CREB5: variants seen among roughly 807,000 people sequenced by gnomAD.
The protein encoded by CREB5 is cAMP responsive element binding protein 5, also known as cyclic AMP-responsive element-binding protein 5.
CREB5 carries 19 observed loss-of-function variants against 57.1 expected under a neutral mutation model. The observed-to-expected ratio is 0.33, with a 90% CI of 0.23 to 0.49. The LOEUF (loss-of-function observed/expected upper bound fraction) is 0.49. Ranked by LOEUF, CREB5 falls within the 20% of genes least tolerant of loss-of-function variation. CREB5 has a pLI of 0.99. For missense variants in CREB5, 579 were observed against 671.6 expected, an observed-to-expected ratio of 0.86 and a Z score of 1.52; for synonymous variants, 238 against 238.3, an observed-to-expected ratio of 1.00 and a Z score of 0.01.
chr7:28,450,402 G>A (rs899945586), intron 1 of CREB5, among the ~76,000 whole-genome samples: 30 of 152,204 alleles, frequency 2.0e-4, no homozygotes, highest in African/African-American at 7.0e-4. Flanking sequence ...GATACCTGCT[G>A]TTCTAAACTG....
At chr7:28,719,781 G>T (rs367999550) in intron 6 of CREB5, among the ~76,000 whole-genome samples, 164 of 152,250 alleles carry the variant, frequency 1.1e-3, no homozygotes, top group African/African-American at 3.7e-3. Context: ...AATAGATAAG[G>T]CCAGGCGTGG....
chr7:28,309,254 G>A (rs1785236435), intron 1 of CREB5, among the ~76,000 whole-genome samples: 1 of 152,152 alleles, frequency 6.6e-6, no homozygotes, highest in Admixed American at 6.5e-5. Flanking sequence ...CTATTGGTCT[G>A]TTCTTCTGGA....
At chr7:28,627,629 A>C (rs1477443998) in intron 5 of CREB5, among the ~76,000 whole-genome samples, 3 of 152,152 alleles carry the variant, frequency 2.0e-5, no homozygotes, top group African/African-American at 7.2e-5. Flanking sequence ...CTTGAAATGC[A>C]AAAAAGGGTT....
intron 7 of CREB5, among the ~76,000 whole-genome samples, chr7:28,743,838 CT>C (rs58302393): frequency 0.014 from 1,102 of 76,042 alleles, 4 homozygotes; most frequent in Middle Eastern, 0.039. Flanking sequence ...ATCTCCTTTT[CT>C]TTTTTTTTTT....
chr7:28,548,192 T>C (rs544138957), intron 4 of CREB5, among the ~76,000 whole-genome samples: 35 of 152,264 alleles, frequency 2.3e-4, no homozygotes, highest in South Asian at 2.1e-3. Flanking sequence ...AACTGAAACA[T>C]TGGGCCATTG....
At chr7:28,437,896 C>A (rs1017011417) in intron 1 of CREB5, among the ~76,000 whole-genome samples, 4 of 152,100 alleles carry the variant, frequency 2.6e-5, no homozygotes, top group Non-Finnish European at 5.9e-5. Flanking sequence ...ACAGAAAAGA[C>A]GATGGAGACA....
chr7:28,657,062 C>G (rs1799359376), intron 5 of CREB5, among the ~76,000 whole-genome samples: 1 of 152,132 alleles, frequency 6.6e-6, no homozygotes, highest in African/African-American at 2.4e-5. Flanking sequence ...CTTTTCCATG[C>G]AGCCAGGATC....
intron 1 of CREB5, among the ~76,000 whole-genome samples, chr7:28,334,289 G>T (rs1785771303): frequency 6.6e-6 from 1 of 152,050 alleles, no homozygotes; most frequent in South Asian, 2.1e-4. Flanking sequence ...CTGAGTAGCT[G>T]GGATTACAGG....
chr7:28,744,561 T>A (rs893608368), intron 7 of CREB5, among the ~76,000 whole-genome samples: 1 of 151,920 alleles, frequency 6.6e-6, no homozygotes, highest in African/African-American at 2.4e-5. Flanking sequence ...TTGGCCAGGG[T>A]GGTCTCGATC....
intron 1 of CREB5, chr7:28,435,729 C>A: frequency 1.1e-6 from 1 of 898,892 alleles, no homozygotes; most frequent in Non-Finnish European, 1.3e-6. Context: ...GACAGATGAA[C>A]CAAACACTCA....
At chr7:28,312,297 A>T (rs1227698585) in intron 1 of CREB5, among the ~76,000 whole-genome samples, 1 of 151,988 alleles carries the variant, frequency 6.6e-6, no homozygotes, top group African/African-American at 2.4e-5. Flanking sequence ...TTTTCTGCTC[A>T]TGGATGGTGA....
chr7:28,509,422 T>C (rs564829269), intron 4 of CREB5, among the ~76,000 whole-genome samples: 58 of 152,308 alleles, frequency 3.8e-4, no homozygotes, highest in South Asian at 3.7e-3. Flanking sequence ...TTTTTCTCCT[T>C]ATGGACATGA....
intron 1 of CREB5, among the ~76,000 whole-genome samples, chr7:28,306,048 AT>A (rs1269677999): frequency 1.3e-5 from 2 of 151,986 alleles, no homozygotes; most frequent in Non-Finnish European, 2.9e-5. Context: ...GTTTTTCATT[AT>A]TACAACCAAT....
At chr7:28,590,706 A>G (rs1270777183) in intron 5 of CREB5, among the ~76,000 whole-genome samples, 1 of 145,722 alleles carries the variant, frequency 6.9e-6, no homozygotes, top group Non-Finnish European at 1.5e-5. Flanking sequence ...AATAATAATA[A>G]TAAAAACCCA....
At chr7:28,662,932 G>A (rs1204438120) in intron 5 of CREB5, among the ~76,000 whole-genome samples, 1 of 151,882 alleles carries the variant, frequency 6.6e-6, no homozygotes, top group Non-Finnish European at 1.5e-5. Context: ...GGATCACGAG[G>A]TCAGGAGTTC....
At chr7:28,613,440 C>G (rs1470266576) in intron 5 of CREB5, among the ~76,000 whole-genome samples, 1 of 152,140 alleles carries the variant, frequency 6.6e-6, no homozygotes, top group Non-Finnish European at 1.5e-5. Flanking sequence ...TTGAGCCTAT[C>G]CTCTTTACGA....
At chr7:28,517,853 C>T (rs1374035330) in intron 4 of CREB5, among the ~76,000 whole-genome samples, 3 of 152,112 alleles carry the variant, frequency 2.0e-5, no homozygotes, top group Non-Finnish European at 4.4e-5. Flanking sequence ...GTTTGGTTCT[C>T]GGGTGAAGCA....
chr7:28,677,575 G>C (rs1800378333), intron 5 of CREB5, among the ~76,000 whole-genome samples: 1 of 152,164 alleles, frequency 6.6e-6, no homozygotes, highest in South Asian at 2.1e-4. Flanking sequence ...TTTTTCTCTT[G>C]GGGGTTTTTA....
intron 5 of CREB5, among the ~76,000 whole-genome samples, chr7:28,694,391 T>C (rs916301210): frequency 2.6e-5 from 4 of 152,178 alleles, no homozygotes; most frequent in African/African-American, 9.7e-5. Flanking sequence ...AGTTCAGCTC[T>C]TGCCCTAGTT....
Sources: gnomAD v4.1 joint callset for allele counts (sites outside exome capture counted in the v4.1 genomes callset) on GRCh38, gnomAD v4.1.1 for gene constraint, MANE v1.5 for transcripts, NCBI Gene and HGNC (gene_info 2026-07-23, HGNC 2026-07-21) for gene names.